The following E2F5 variants were observed in gnomAD, a reference collection of about 807,000 sequenced individuals.
E2F5 encodes E2F transcription factor 5.
Under a neutral mutation model 39.1 loss-of-function variants are expected in E2F5, and 23 were observed. That is an observed-to-expected ratio of 0.59 (90% CI 0.42 to 0.83). E2F5 has a LOEUF of 0.83. Among genes scored for constraint, E2F5 ranks in the 40% least tolerant of loss-of-function variants. The probability of loss-of-function intolerance (pLI) is 0.00; values close to 1 mark genes in which losing one functional copy is unlikely to be tolerated. For missense variants in E2F5, 365 were observed against 406.7 expected (o/e 0.90, Z 0.88); for synonymous variants, 145 against 157.8 (o/e 0.92, Z 0.61).
intron 1 of E2F5, among the ~76,000 whole-genome samples, chr8:85,186,010 T>C (rs1812325828): frequency 6.6e-6 from 1 of 152,200 alleles, no homozygotes; most frequent in Non-Finnish European, 1.5e-5. Flanking sequence ...TATTACTGGC[T>C]ATACACCCAA....
chr8:85,206,131 C>T (rs773461812), intron 3 of E2F5, 46 bp from the exon 4 acceptor site: 1 of 1,575,340 alleles, frequency 6.3e-7, no homozygotes, highest in South Asian at 1.1e-5. Flanking sequence ...AATTTAAATG[C>T]CTACGGCTTG....
intron 1 of E2F5, among the ~76,000 whole-genome samples, chr8:85,184,995 A>C (rs1812298869): frequency 6.6e-6 from 1 of 152,242 alleles, no homozygotes. Context: ...CTTTCTTCAC[A>C]GAATTGGAAA....
At chr8:85,193,929 T>C (rs1047354770) in intron 1 of E2F5, among the ~76,000 whole-genome samples, 1 of 152,230 alleles carries the variant, frequency 6.6e-6, no homozygotes, top group East Asian at 1.9e-4. Context: ...TATGAATTCA[T>C]GTATAAGCCT....
At position 85,206,201 on chromosome 8, in the gene E2F5, C is replaced by T; in HGVS notation, c.531C>T (p.Asp177=). The T allele has an allele frequency of 6.2e-7, 1 of 1,613,246 alleles. No individual in the cohort carries two copies. Among genetic ancestry groups the T allele is most frequent in the Non-Finnish European group, 8.5e-7 (1 of 1,179,608 alleles). Residue 177 remains aspartate, a synonymous_variant, in exon 4 of 8, where the codon GAC becomes GAT. Coordinates refer to ENST00000416274, the MANE Select transcript of E2F5 (RefSeq NM_001951.4). The stretch of plus-strand genomic sequence containing the variant: ...CATTTTCCTATGTAACTCATGAAGA[C>T]ATCTGTAATTGCTTTAATGGTAAGT... ...NNRFSYVTHE[D]ICNCFNGDTL... is the part of the protein sequence containing the mutation.
chr8:85,197,140 TCA>T (rs1189922073), intron 1 of E2F5, among the ~76,000 whole-genome samples: 2 of 152,238 alleles, frequency 1.3e-5, no homozygotes, highest in African/African-American at 4.8e-5. Context: ...CGTTTCTGAA[TCA>T]CAGTAGCTAA....
In E2F5 at chr8:85,180,538, A is replaced by G. The variant is rs868360559; in HGVS notation, c.234+2884A>G. Among the ~76,000 whole-genome samples the G allele has an allele frequency of 9.3e-5, 4 of 43,102 alleles. 1 individual carries two copies. In the Admixed American group the frequency reaches 1.1e-3, roughly 11 times the overall value. The allele number at this position is 43,102 out of a possible 152,430, so 28.3% of individuals were successfully genotyped here. A position where few individuals can be genotyped will look rare whatever the true frequency, so the allele number is the denominator to read the frequency against. ...TATATATATATATATATATATATAT[A>G]TATATATATATATATATGGTTTTTT... On this transcript the variant is annotated intron_variant, in intron 1 of 7. Coordinates refer to ENST00000416274, the MANE Select transcript of E2F5 (RefSeq NM_001951.4).
intron 1 of E2F5, among the ~76,000 whole-genome samples, chr8:85,178,407 T>G (rs1812131376): frequency 6.6e-6 from 1 of 152,136 alleles, no homozygotes; most frequent in Non-Finnish European, 1.5e-5. Flanking sequence ...TGCGTCGTCC[T>G]TTACAGCGTT....
At chr8:85,200,447 C>G (rs952179213) in intron 1 of E2F5, 1 of 379,206 alleles carries the variant, frequency 2.6e-6, no homozygotes, top group Non-Finnish European at 3.6e-6. Context: ...AAACAAGACA[C>G]CTTTTTAAAA....
intron 1 of E2F5, among the ~76,000 whole-genome samples, chr8:85,188,136 G>T (rs1812381476): frequency 6.6e-6 from 1 of 151,996 alleles, no homozygotes; most frequent in Non-Finnish European, 1.5e-5. Context: ...ATCGTCTATT[G>T]CTTAAAAATT....
At chr8:85,185,947 G>T (rs578206061) in intron 1 of E2F5, among the ~76,000 whole-genome samples, 1 of 152,306 alleles carries the variant, frequency 6.6e-6, no homozygotes, top group African/African-American at 2.4e-5. Flanking sequence ...GGAAGACAGT[G>T]TGGTGATTCC....
chr8:85,212,229 C>G, intron 7 of E2F5, 25 bp downstream of exon 7: 1 of 1,540,204 alleles, frequency 6.5e-7, no homozygotes, highest in Non-Finnish European at 9.0e-7. Context: ...ATTTTACTAA[C>G]TCACTTATCA....
chr8:85,182,094 T>A (rs11786132), intron 1 of E2F5, among the ~76,000 whole-genome samples: 1,808 of 152,340 alleles, frequency 0.012, 21 homozygotes, highest in Non-Finnish European at 0.018. Flanking sequence ...CTCTGCAGCT[T>A]CACCTACACC....
intron 1 of E2F5, among the ~76,000 whole-genome samples, chr8:85,190,240 G>A (rs866067699): frequency 2.0e-5 from 3 of 151,884 alleles, no homozygotes; most frequent in South Asian, 2.1e-4. Context: ...CTGCACGTGT[G>A]TGAAAACACA....
intron 3 of E2F5, 76 bp downstream of exon 3, chr8:85,203,331 C>A: frequency 1.6e-6 from 2 of 1,244,314 alleles, no homozygotes; most frequent in Non-Finnish European, 2.1e-6. Flanking sequence ...GTCTAAAGAT[C>A]ATTCACTTTG....
chr8:85,177,288 C>G lies in E2F5; in HGVS notation c.-133C>G, dbSNP rs879647674. On this transcript the variant is annotated 5_prime_UTR_variant, in exon 1 of 8. Transcript: ENST00000416274. ...GGCGCCGCACACCTGTTGTTTGCAG[C>G]AGCCAGCGACCCGCACTACCGCTCT... 469 of 764,970 alleles carry G rather than the reference C, an allele frequency of 6.1e-4. No homozygotes were observed. Among genetic ancestry groups the G allele is most frequent in the Non-Finnish European group, 7.3e-4 (459 of 628,430 alleles). 47.4% of individuals were successfully genotyped at this position (764,970 alleles called of 1,614,324 possible). A position where few individuals can be genotyped will look rare whatever the true frequency, so the allele number is the denominator to read the frequency against.
intron 3 of E2F5, among the ~76,000 whole-genome samples, chr8:85,204,627 G>T (rs1812764251): frequency 6.6e-6 from 1 of 151,742 alleles, no homozygotes; most frequent in Non-Finnish European, 1.5e-5. Context: ...CGCCAACATG[G>T]CACATGTATA....
At chr8:85,204,000 G>GCA (rs1412238490) in intron 3 of E2F5, among the ~76,000 whole-genome samples, 1 of 151,774 alleles carries the variant, frequency 6.6e-6, no homozygotes, top group Non-Finnish European at 1.5e-5. Flanking sequence ...TTACCTTGTA[G>GCA]CACCTCATGA....
At chr8:85,203,363 TAAGTA>T in intron 3 of E2F5, 108 bp downstream of exon 3, 3 of 849,872 alleles carry the variant, frequency 3.5e-6, no homozygotes, top group Non-Finnish European at 4.8e-6. Flanking sequence ...TTAAGTTTTA[TAAGTA>T]AATATGACAT....
intron 1 of E2F5, among the ~76,000 whole-genome samples, chr8:85,194,854 ATTATT>A (rs909158886): frequency 6.6e-6 from 1 of 150,976 alleles, no homozygotes; most frequent in Non-Finnish European, 1.5e-5. Flanking sequence ...TATTATTATT[ATTATT>A]TTAATTTTTA....
Sources: allele counts gnomAD v4.1 joint callset (sites outside exome capture counted in the v4.1 genomes callset), GRCh38; gene constraint gnomAD v4.1.1; transcripts MANE v1.5; gene names NCBI Gene and HGNC (gene_info 2026-07-23, HGNC 2026-07-21).